SYNPO2: variants seen among roughly 807,000 people sequenced by gnomAD.
The protein encoded by SYNPO2 is synaptopodin-2.
A neutral mutation model predicts 85.0 loss-of-function variants in SYNPO2; 56 were observed. The observed-to-expected ratio is 0.66, with a 90% CI of 0.53 to 0.82. The LOEUF (loss-of-function observed/expected upper bound fraction) is 0.82. Ranked by LOEUF, SYNPO2 falls within the 40% of genes least tolerant of loss-of-function variation. The probability of loss-of-function intolerance (pLI) is 0.00; values close to 1 mark genes in which losing one functional copy is unlikely to be tolerated. For missense variants in SYNPO2, 1,575 were observed against 1,534.2 expected, an observed-to-expected ratio of 1.03 and a Z score of -0.44; for synonymous variants, 602 against 591.1, an observed-to-expected ratio of 1.02 and a Z score of -0.27.
rs1738190091 is a variant in SYNPO2, at chr4:119,030,600, A to C, written c.1825A>C (p.Met609Leu). The change falls in exon 4 of 5, where the codon ATG becomes CTG. Residue 609 changes from methionine to leucine, a missense_variant. By Grantham distance (15) the Met-to-Leu change is conservative. This residue lies in a region of SYNPO2 where 1,508 missense variants were observed against 1,446.8 expected (regional missense o/e 1.04). Transcript: ENST00000307142. Reference sequence around the variant, plus strand: ...TACCCCCTTCTCGCCAACCCGAAACATGACGAGTCCCATTGCTGACTTTCC... The same window carrying C: ...TACCCCCTTCTCGCCAACCCGAAACCTGACGAGTCCCATTGCTGACTTTCC... ...PATPFSPTRN[M>L]TSPIADFPAP... The C allele has an allele frequency of 6.2e-7, 1 of 1,613,974 alleles. No individual in the cohort carries two copies. Among genetic ancestry groups the C allele is most frequent in the South Asian group, 1.1e-5 (1 of 91,076 alleles).
intron 1 of SYNPO2, among the ~76,000 whole-genome samples, chr4:119,016,417 CAAA>C (rs11444354): frequency 1.4e-5 from 2 of 139,786 alleles, no homozygotes; most frequent in African/African-American, 2.7e-5. Flanking sequence ...GACTCCATTT[CAAA>C]AAAAAAAAAA....
chr4:118,882,530 A>G (rs943586070), intron 1 of SYNPO2, among the ~76,000 whole-genome samples: 1 of 152,142 alleles, frequency 6.6e-6, no homozygotes, highest in Non-Finnish European at 1.5e-5. Context: ...AATACCCTTC[A>G]ATCTTTTGGA....
In SYNPO2 at chr4:118,900,741, G is replaced by GTCTATCTATCTATCTA. The variant is rs200026031; in HGVS notation, c.105+11630_105+11645dup. 5.5e-3 allele frequency among the ~76,000 whole-genome samples: 478 copies of GTCTATCTATCTATCTA among 86,218 alleles called. 4 individuals are homozygous for GTCTATCTATCTATCTA. Among genetic ancestry groups the GTCTATCTATCTATCTA allele is most frequent in the East Asian group, 8.5e-3 (24 of 2,812 alleles). 56.6% of individuals were successfully genotyped at this position (86,218 alleles called of 152,430 possible). A position where few individuals can be genotyped will look rare whatever the true frequency, so the allele number is the denominator to read the frequency against. Reference sequence around the variant, plus strand: ...TATATATATATATATATGTCTGTCTGTCTATCTATCTATCTATCTATCTAT... The same window carrying GTCTATCTATCTATCTA: ...TATATATATATATATATGTCTGTCTGTCTATCTATCTATCTATCTATCTATCTATCTATCTATCTAT... On this transcript the variant is annotated intron_variant, in intron 1 of 4. Coordinates refer to ENST00000307142, the MANE Select transcript of SYNPO2 (RefSeq NM_133477.3).
chr4:118,863,212 C>T (rs957345322), intron 1 of SYNPO2, among the ~76,000 whole-genome samples: 1 of 152,124 alleles, frequency 6.6e-6, no homozygotes, highest in Non-Finnish European at 1.5e-5. Flanking sequence ...CTCTATTTTT[C>T]GGAATAGTTT....
intron 1 of SYNPO2, among the ~76,000 whole-genome samples, chr4:119,017,394 T>C (rs1374538209): frequency 6.6e-6 from 1 of 152,206 alleles, no homozygotes; most frequent in Non-Finnish European, 1.5e-5. Flanking sequence ...CCTAAGGCTT[T>C]GGTTTAAGAT....
intron 1 of SYNPO2, among the ~76,000 whole-genome samples, chr4:118,948,030 G>T (rs534542180): frequency 6.6e-6 from 1 of 152,120 alleles, no homozygotes; most frequent in East Asian, 1.9e-4. Flanking sequence ...AACTTTTTTG[G>T]TTAGTTAATT....
chr4:118,858,840 A>G (rs1731557504), intron 1 of SYNPO2, among the ~76,000 whole-genome samples: 2 of 152,232 alleles, frequency 1.3e-5, no homozygotes, highest in East Asian at 3.8e-4. Flanking sequence ...TAAGGTGCTT[A>G]CTTCATCAAA....
chr4:118,938,645 T>G (rs1261617108), intron 1 of SYNPO2, among the ~76,000 whole-genome samples: 1 of 152,232 alleles, frequency 6.6e-6, no homozygotes, highest in Non-Finnish European at 1.5e-5. Flanking sequence ...TCAGTACTTT[T>G]TAAAACTGTC....
chr4:118,854,283 G>C (rs890869222), intron 1 of SYNPO2, among the ~76,000 whole-genome samples: 3 of 152,192 alleles, frequency 2.0e-5, no homozygotes, highest in Non-Finnish European at 4.4e-5. Flanking sequence ...ACTCTGTGAA[G>C]CATGACTTTC....
At chr4:118,915,385 T>C (rs1259601613) in intron 1 of SYNPO2, among the ~76,000 whole-genome samples, 1 of 152,216 alleles carries the variant, frequency 6.6e-6, no homozygotes, top group Non-Finnish European at 1.5e-5. Flanking sequence ...ATTTACACAT[T>C]CCTAGAAAGT....
intron 1 of SYNPO2, among the ~76,000 whole-genome samples, chr4:118,951,249 G>T (rs1042144153): frequency 6.6e-6 from 1 of 152,104 alleles, no homozygotes; most frequent in Non-Finnish European, 1.5e-5. Context: ...TATCTGTCTG[G>T]GGAGGGCCCC....
intron 1 of SYNPO2, among the ~76,000 whole-genome samples, chr4:118,881,813 A>T (rs1732108197): frequency 6.6e-6 from 1 of 152,064 alleles, no homozygotes. Context: ...ACCGAGCACC[A>T]CCCCACCTGC....
intron 1 of SYNPO2, among the ~76,000 whole-genome samples, chr4:118,977,815 GT>G (rs933082133): frequency 6.6e-6 from 1 of 152,182 alleles, no homozygotes; most frequent in Non-Finnish European, 1.5e-5. Context: ...CTTGTACAGT[GT>G]TAGCAATCCC....
At chr4:118,960,914 C>T (rs1015410887) in intron 1 of SYNPO2, among the ~76,000 whole-genome samples, 2 of 152,102 alleles carry the variant, frequency 1.3e-5, no homozygotes, top group Non-Finnish European at 2.9e-5. Flanking sequence ...CTGTTATAGT[C>T]GCCTTCTAAT....
At chr4:118,925,692 G>T (rs193134219) in intron 1 of SYNPO2, among the ~76,000 whole-genome samples, 1 of 151,994 alleles carries the variant, frequency 6.6e-6, no homozygotes, top group African/African-American at 2.4e-5. Flanking sequence ...TAAAATCAGC[G>T]GGTCAGTTTA....
chr4:118,860,067 T>G (rs981170920), intron 1 of SYNPO2, among the ~76,000 whole-genome samples: 2 of 152,216 alleles, frequency 1.3e-5, no homozygotes, highest in African/African-American at 4.8e-5. Context: ...TCCATATCCT[T>G]GTCAGCATTT....
chr4:118,990,795 G>A (rs1736389077), intron 1 of SYNPO2, among the ~76,000 whole-genome samples: 1 of 152,140 alleles, frequency 6.6e-6, no homozygotes, highest in Admixed American at 6.5e-5. Context: ...TCTTAGTAGA[G>A]ATGGGGTTTT....
At chr4:119,043,557 G>T (rs1275207152) in intron 4 of SYNPO2, 1 of 152,180 alleles carries the variant, frequency 6.6e-6, no homozygotes, top group Admixed American at 6.5e-5. Context: ...TAATAAATGT[G>T]TGGTCTACAT....
chr4:119,058,011 A>T lies in SYNPO2; in HGVS notation c.*77A>T, dbSNP rs1238477177. The stretch of plus-strand genomic sequence containing the variant: ...CCTTTGTAGGGTTTTAAACTTTTCT[A>T]ATAGATTTAGATTCACTTTTGGTCT... On this transcript the variant is annotated 3_prime_UTR_variant, in exon 5 of 5. Transcript: ENST00000307142. 6.8e-7 allele frequency: 1 copy of T among 1,464,276 alleles called. No individual in the cohort carries two copies. Among genetic ancestry groups the T allele is most frequent in the Non-Finnish European group, 9.2e-7 (1 of 1,092,310 alleles). The allele number at this position is 1,464,276 out of a possible 1,614,324, so 90.7% of individuals were successfully genotyped here. A position where few individuals can be genotyped will look rare whatever the true frequency, so the allele number is the denominator to read the frequency against.
Sources: gnomAD v4.1 joint callset for allele counts (sites outside exome capture counted in the v4.1 genomes callset) on GRCh38, gnomAD v4.1.1 for gene constraint, gnomAD v4.1.1 regional missense constraint, MANE v1.5 for transcripts, NCBI Gene and HGNC (gene_info 2026-07-23, HGNC 2026-07-21) for gene names.